Variants in FCRL5 observed in about 807,000 individuals in gnomAD.
The protein encoded by FCRL5 is Fc receptor-like protein 5.
Under a neutral mutation model 92.1 loss-of-function variants are expected in FCRL5, and 79 were observed. That is an observed-to-expected ratio of 0.86 (90% confidence interval 0.72 to 1.03). The LOEUF is 1.03. FCRL5 is among the 50% of genes least tolerant of loss of function. The pLI is 0.00. For missense variants in FCRL5, 1,160 were observed against 1,181.1 expected, an observed-to-expected ratio of 0.98 and a Z score of 0.26; for synonymous variants, 466 against 469.3, an observed-to-expected ratio of 0.99 and a Z score of 0.09.
Position 157,515,794 on chromosome 1 carries a change from C to G in FCRL5, c.2845-30G>C, listed in dbSNP as rs747824049. 6.2e-6 allele frequency: 10 copies of G among 1,609,600 alleles called. No homozygotes were observed. In the African/African-American group the frequency reaches 9.8e-5, roughly 16 times the overall value. Reference sequence around the variant, plus strand: ...GAGGCAAGAGCACATGCGTGAGGACCAGGGTGGGCCTGGGGGTGGGGGAGG... The same window carrying G: ...GAGGCAAGAGCACATGCGTGAGGACGAGGGTGGGCCTGGGGGTGGGGGAGG... On this transcript the variant is annotated intron_variant, in intron 16 of 16. Coordinates refer to ENST00000361835, the MANE Select transcript of FCRL5 (RefSeq NM_031281.3).
chr1:157,522,153 A>G (rs1228216638), intron 10 of FCRL5: 2 of 152,238 alleles, frequency 1.3e-5, no homozygotes, highest in South Asian at 2.1e-4. Context: ...ATACACATGA[A>G]ACAATTAACA....
At position 157,513,388 on chromosome 1, in the gene FCRL5, T is replaced by G. The variant is rs780635304; in HGVS notation, c.*2287A>C. 1 of 152,132 alleles carries G rather than the reference T, an allele frequency of 6.6e-6. No individual in the cohort carries two copies. Among genetic ancestry groups the G allele is most frequent in the Non-Finnish European group, 1.5e-5 (1 of 68,038 alleles). 9.4% of individuals were successfully genotyped at this position (152,132 alleles called of 1,614,324 possible). The stretch of plus-strand genomic sequence containing the variant: ...TACACATGCACACATACAGAAAGAT[T>G]GGTTTATTAGAATGAATTAGCTCTT... On this transcript the variant is annotated 3_prime_UTR_variant, in exon 17 of 17. Transcript: ENST00000361835.
intron 3 of FCRL5, chr1:157,546,150 T>G: frequency 2.9e-6 from 1 of 339,338 alleles, no homozygotes; most frequent in East Asian, 8.7e-5. Context: ...TAATGTGACT[T>G]AAAACTATAC....
intron 2 of FCRL5, chr1:157,547,483 A>G: frequency 1.8e-6 from 1 of 566,664 alleles, no homozygotes; most frequent in East Asian, 3.5e-5. Flanking sequence ...AGTGGGTCCC[A>G]GAGAAAATCA....
intron 9 of FCRL5, among the ~76,000 whole-genome samples, chr1:157,526,326 G>A (rs1650426496): frequency 6.6e-6 from 1 of 152,206 alleles, no homozygotes; most frequent in Non-Finnish European, 1.5e-5. Context: ...TTGGTGGAGA[G>A]GTTGGAAAAA....
intron 6 of FCRL5, among the ~76,000 whole-genome samples, chr1:157,540,550 A>G (rs1316818918): frequency 2.6e-5 from 4 of 151,948 alleles, no homozygotes; most frequent in African/African-American, 4.8e-5. Context: ...CCATCAGACA[A>G]TAGAAAAACA....
rs1230551156 is a variant in FCRL5 at position 157,513,731 on chromosome 1, A to G, written c.*1944T>C. On this transcript the variant is annotated 3_prime_UTR_variant, in exon 17 of 17. Transcript: ENST00000361835. ...GGGATGGGGGTACCTTACTCTCCCA[A>G]TGAGAAATTCTAAATTTCCTCTTTT... is the stretch of plus-strand genomic sequence containing the variant. 1 of 140,646 alleles carries G rather than the reference A, an allele frequency of 7.1e-6. No homozygotes were observed. The highest frequency in any genetic ancestry group is 6.7e-5 in the Admixed American group (1 of 14,912). The allele number at this position is 140,646 out of a possible 1,614,324, so 8.7% of individuals were successfully genotyped here.
intron 7 of FCRL5, among the ~76,000 whole-genome samples, chr1:157,536,812 C>T (rs979303886): frequency 2.6e-5 from 4 of 152,332 alleles, no homozygotes; most frequent in Non-Finnish European, 5.9e-5. Flanking sequence ...GAAGCCATGG[C>T]AGAAGAACAT....
rs1298902139 is a variant in FCRL5 at position 157,544,389 on chromosome 1, C to G, written c.717G>C (p.Trp239Cys). Reference sequence around the variant, plus strand: ...TAATCTGGAAATTCGGGGAGAGACTCCAGCCTAATCCCAGGGTCTGGTCAT... The same window carrying G: ...TAATCTGGAAATTCGGGGAGAGACTGCAGCCTAATCCCAGGGTCTGGTCAT... Reference protein sequence around the residue: ...FRDDQTLGLGWSLSPNFQITA... With the variant: ...FRDDQTLGLGCSLSPNFQITA... The change falls in exon 5 of 17, where the codon TGG becomes TGC. Residue 239 changes from tryptophan (W) to cysteine (C), a missense_variant. Transcript: ENST00000361835. 1 of 1,614,208 alleles carries G rather than the reference C, an allele frequency of 6.2e-7. No individual in the cohort carries two copies. The highest frequency in any genetic ancestry group is 8.5e-7 in the Non-Finnish European group (1 of 1,180,040).
chr1:157,535,691 T>C (rs1650936723), intron 7 of FCRL5, among the ~76,000 whole-genome samples: 1 of 152,194 alleles, frequency 6.6e-6, no homozygotes, highest in Admixed American at 6.5e-5. Context: ...TAAGTTCTGG[T>C]GTGTGTATAT....
Position 157,547,018 on chromosome 1 carries a change from G to A in FCRL5, c.232C>T (p.Gln78Ter). ...RETPDNILEV[Q>*]ESGEYRCQAQ... The stretch of plus-strand genomic sequence containing the variant: ...TGGCATCTGTACTCTCCAGATTCCT[G>A]AACCTCAAGGATATTGTCTGGGGTT... The change falls in exon 3 of 17, where the codon CAG becomes TAG. Residue 78 changes from glutamine to a stop codon, truncating the protein, a stop_gained. Transcript: ENST00000361835. LOFTEE classifies it high-confidence loss of function. 1 of 1,614,162 alleles carries A rather than the reference G, an allele frequency of 6.2e-7. No individual in the cohort carries two copies. Among genetic ancestry groups the A allele is most frequent in the Middle Eastern group, 1.7e-4 (1 of 6,046 alleles).
At chr1:157,549,720 A>G (rs1376421057) in intron 1 of FCRL5, 140 bp from the exon 2 acceptor site, 2 of 595,546 alleles carry the variant, frequency 3.4e-6, no homozygotes, top group Non-Finnish European at 5.9e-6. Flanking sequence ...TATTCATCAA[A>G]TGTATATATA....
chr1:157,541,010 G>T (rs1179479714), intron 6 of FCRL5, among the ~76,000 whole-genome samples: 2 of 152,300 alleles, frequency 1.3e-5, no homozygotes, highest in East Asian at 3.9e-4. Context: ...TCAAACCCAG[G>T]TATTCTGATT....
At chr1:157,552,033 A>G (rs1224119958) in intron 1 of FCRL5, among the ~76,000 whole-genome samples, 3 of 152,238 alleles carry the variant, frequency 2.0e-5, no homozygotes, top group Non-Finnish European at 4.4e-5. Flanking sequence ...ACAAACAAAC[A>G]TGAAACATTC....
intron 8 of FCRL5, chr1:157,532,646 G>A (rs1650751896): frequency 6.6e-6 from 1 of 151,998 alleles, no homozygotes; most frequent in Non-Finnish European, 1.5e-5. Flanking sequence ...CTAAATCAGT[G>A]GTTTCCAATC....
chr1:157,526,517 A>G (rs1384508801), intron 9 of FCRL5, among the ~76,000 whole-genome samples: 1 of 152,172 alleles, frequency 6.6e-6, no homozygotes, highest in Non-Finnish European at 1.5e-5. Flanking sequence ...GATCCTACAG[A>G]GACAGAGATG....
At chr1:157,516,695 A>G (rs1238336514) in intron 15 of FCRL5, among the ~76,000 whole-genome samples, 2 of 152,258 alleles carry the variant, frequency 1.3e-5, no homozygotes, top group Non-Finnish European at 2.9e-5. Flanking sequence ...ATTATCATCA[A>G]ACTGGAGAGA....
chr1:157,547,217 G>A lies in FCRL5; in HGVS notation c.53-20C>T. Reference sequence around the variant, plus strand: ...TCCTTGCTGAAGAGGAAAGAGAAAAGGAGTCTGAGGTGGAGGCGCCTGCAG... The same window carrying A: ...TCCTTGCTGAAGAGGAAAGAGAAAAAGAGTCTGAGGTGGAGGCGCCTGCAG... On this transcript the variant is annotated intron_variant, in intron 2 of 16. Transcript: ENST00000361835. 6.2e-7 allele frequency: 1 copy of A among 1,612,074 alleles called. No individual in the cohort carries two copies. The highest frequency in any genetic ancestry group is 8.5e-7 in the Non-Finnish European group (1 of 1,179,284).
chr1:157,546,637 CT>C (rs2101647147), intron 3 of FCRL5, among the ~76,000 whole-genome samples: 1 of 152,280 alleles, frequency 6.6e-6, no homozygotes, highest in South Asian at 2.1e-4. Flanking sequence ...TAGGTAGGTC[CT>C]GAGTATCTGT....
Sources: gnomAD v4.1 joint callset for allele counts (sites outside exome capture counted in the v4.1 genomes callset) on GRCh38, gnomAD v4.1.1 for gene constraint, MANE v1.5 for transcripts, NCBI Gene and HGNC (gene_info 2026-07-23, HGNC 2026-07-21) for gene names.